ZNF713: variants seen among roughly 807,000 people sequenced by gnomAD.
ZNF713 encodes zinc finger protein 713.
In ZNF713, 21 loss-of-function variants were observed where a neutral mutation model predicts 28.7. That is an observed-to-expected ratio of 0.73 (90% CI 0.52 to 1.05). ZNF713 has a LOEUF of 1.05. Ranked by LOEUF, ZNF713 falls within the 50% of genes least tolerant of loss-of-function variation. ZNF713 has a pLI of 0.00. For missense variants in ZNF713, 458 were observed against 532.4 expected, an observed-to-expected ratio of 0.86 and a Z score of 1.37; for synonymous variants, 167 against 178.0, an observed-to-expected ratio of 0.94 and a Z score of 0.49.
intron 6 of ZNF713, among the ~76,000 whole-genome samples, chr7:55,932,283 C>T (rs1786225531): frequency 6.6e-6 from 1 of 151,170 alleles, no homozygotes; most frequent in African/African-American, 2.4e-5. Context: ...AATTCCAGCA[C>T]TTTGGGAAGC....
intron 4 of ZNF713, chr7:55,918,005 T>C (rs1370574771): frequency 2.9e-5 from 13 of 455,412 alleles, no homozygotes. Flanking sequence ...TCCCAAATGC[T>C]TTCTTGCAAG....
intron 4 of ZNF713, among the ~76,000 whole-genome samples, chr7:55,917,041 C>T (rs557552687): frequency 4.6e-4 from 70 of 151,964 alleles, no homozygotes; most frequent in African/African-American, 1.6e-3. Context: ...GGTGAAACCC[C>T]GTCTCTACTA....
intron 2 of ZNF713, among the ~76,000 whole-genome samples, chr7:55,910,021 A>G (rs536850486): frequency 9.6e-4 from 139 of 145,412 alleles, no homozygotes; most frequent in Admixed American, 2.1e-3. Context: ...GTGTGTGTGT[A>G]TATATATATA....
chr7:55,900,609 ACT>A (rs1372631617), intron 1 of ZNF713, among the ~76,000 whole-genome samples: 1 of 152,122 alleles, frequency 6.6e-6, no homozygotes, highest in East Asian at 1.9e-4. Flanking sequence ...AAAAACAGAA[ACT>A]CTATGATCTC....
intron 1 of ZNF713, among the ~76,000 whole-genome samples, 196 bp downstream of exon 1, chr7:55,887,876 GCGGCGGCGGC>G (rs1785302703): frequency 2.4e-5 from 1 of 41,692 alleles, no homozygotes; most frequent in Non-Finnish European, 4.3e-5. Flanking sequence ...GGCGGCGGCG[GCGGCGGCGGC>G]GGGCGGCGGC....
intron 1 of ZNF713, among the ~76,000 whole-genome samples, chr7:55,891,622 G>A (rs563113065): frequency 1.3e-5 from 2 of 152,236 alleles, no homozygotes; most frequent in South Asian, 2.1e-4. Flanking sequence ...GAGCCCAGGC[G>A]TTTGAGGCTG....
At position 55,887,475 on chromosome 7, in the gene ZNF713, G is replaced by T; in HGVS notation, c.-788G>T. On this transcript the variant is annotated 5_prime_UTR_variant, in exon 1 of 7. Transcript: ENST00000429591. ...GAGGCCAGCGTCTTGCGCCGCCATT[G>T]CGGGGAGGCTGTCCTCAGAGCAGGT... 1 of 155,464 alleles carries T rather than the reference G, an allele frequency of 6.4e-6. No homozygotes were observed. 9.6% of individuals were successfully genotyped at this position (155,464 alleles called of 1,614,324 possible). A position where few individuals can be genotyped will look rare whatever the true frequency, so the allele number is the denominator to read the frequency against.
intron 1 of ZNF713, among the ~76,000 whole-genome samples, chr7:55,900,285 T>C (rs941388753): frequency 1.3e-5 from 2 of 151,994 alleles, no homozygotes; most frequent in Non-Finnish European, 2.9e-5. Context: ...CTGACCAACA[T>C]GGTGAAACCC....
In ZNF713 at chr7:55,888,376, TTC is replaced by T. The variant is rs1334725968; in HGVS notation, c.-583+698_-583+699del. The stretch of plus-strand genomic sequence containing the variant: ...CAGGCGTGTGTATGCTCAGATGTGT[TTC>T]TGTTTATTTATGTTTTTGTTTTGAG... On this transcript the variant is annotated intron_variant, in intron 1 of 6. Coordinates refer to ENST00000429591, the MANE Select transcript of ZNF713 (RefSeq NM_182633.3). Among the ~76,000 whole-genome samples the T allele has an allele frequency of 3.3e-5, 5 of 152,146 alleles. No individual in the cohort carries two copies. In the South Asian group the frequency reaches 8.3e-4, roughly 25 times the overall value.
Position 55,942,170 on chromosome 7 carries a change from G to A in ZNF713, c.*2164G>A, listed in dbSNP as rs6593291. 1 of 151,948 alleles carries A rather than the reference G, an allele frequency of 6.6e-6. No homozygotes were observed. Among genetic ancestry groups the A allele is most frequent in the Admixed American group, 6.6e-5 (1 of 15,222 alleles). The allele number at this position is 151,948 out of a possible 1,614,324, so 9.4% of individuals were successfully genotyped here. A position where few individuals can be genotyped will look rare whatever the true frequency, so the allele number is the denominator to read the frequency against. ...GGGTGAGCCCTGGTGCCATGTTGAG[G>A]GTGGGAATCAGGAGAGCTGCAGTGG... On this transcript the variant is annotated 3_prime_UTR_variant, in exon 7 of 7. Transcript: ENST00000429591.
At chr7:55,904,716 T>A (rs948661106) in intron 1 of ZNF713, among the ~76,000 whole-genome samples, 30 of 152,002 alleles carry the variant, frequency 2.0e-4, no homozygotes, top group African/African-American at 7.0e-4. Flanking sequence ...GAGTTTTTAA[T>A]GTTGGAGAGA....
chr7:55,900,194 G>A (rs930970599), intron 1 of ZNF713, among the ~76,000 whole-genome samples: 41 of 152,260 alleles, frequency 2.7e-4, no homozygotes, highest in African/African-American at 7.2e-4. Context: ...GTGGCCGGGC[G>A]TGGTGGCTCA....
intron 6 of ZNF713, among the ~76,000 whole-genome samples, chr7:55,932,835 G>C (rs1370595275): frequency 7.7e-6 from 1 of 130,146 alleles, no homozygotes; most frequent in Non-Finnish European, 1.6e-5. Context: ...AGTGAGCCGA[G>C]ATTGCGCCAC....
In ZNF713 at chr7:55,941,011, A is replaced by T. The variant is rs1426814804; in HGVS notation, c.*1005A>T. 6.7e-6 allele frequency: 1 copy of T among 149,188 alleles called. No individual in the cohort carries two copies. Among genetic ancestry groups the T allele is most frequent in the South Asian group, 2.1e-4 (1 of 4,710 alleles). The allele number at this position is 149,188 out of a possible 1,614,324, so 9.2% of individuals were successfully genotyped here. A position where few individuals can be genotyped will look rare whatever the true frequency, so the allele number is the denominator to read the frequency against. On this transcript the variant is annotated 3_prime_UTR_variant, in exon 7 of 7. Transcript: ENST00000429591. Reference sequence around the variant, plus strand: ...TTTTTTTGTATTTTTTAGTAGAGACACGGTTTCACCATATTGACTAGGCTG... The same window carrying T: ...TTTTTTTGTATTTTTTAGTAGAGACTCGGTTTCACCATATTGACTAGGCTG...
chr7:55,907,957 T>C (rs1469386790), intron 2 of ZNF713, among the ~76,000 whole-genome samples: 1 of 152,036 alleles, frequency 6.6e-6, no homozygotes, highest in African/African-American at 2.4e-5. Context: ...AATAATTTAT[T>C]TATCTCTGGA....
At chr7:55,905,798 A>T (rs1785667208) in intron 1 of ZNF713, among the ~76,000 whole-genome samples, 1 of 151,826 alleles carries the variant, frequency 6.6e-6, no homozygotes, top group South Asian at 2.1e-4. Context: ...ACTGCTCCTT[A>T]TTTTCCTTTA....
At chr7:55,926,643 A>G (rs962151172) in intron 6 of ZNF713, among the ~76,000 whole-genome samples, 2 of 152,192 alleles carry the variant, frequency 1.3e-5, no homozygotes, top group Admixed American at 6.5e-5. Flanking sequence ...TTTATCTAAA[A>G]TCTTTCTTAA....
intron 1 of ZNF713, among the ~76,000 whole-genome samples, chr7:55,900,175 A>T (rs1212772204): frequency 6.6e-6 from 1 of 152,194 alleles, no homozygotes; most frequent in Non-Finnish European, 1.5e-5. Context: ...AATGGATTTT[A>T]AAAATGTGGT....
At chr7:55,912,227 C>T (rs1470822281) in intron 3 of ZNF713, among the ~76,000 whole-genome samples, 159 bp downstream of exon 3, 1 of 151,798 alleles carries the variant, frequency 6.6e-6, no homozygotes, top group Non-Finnish European at 1.5e-5. Flanking sequence ...CATGTGCTCT[C>T]CATCGCCTCA....
Sources: allele counts gnomAD v4.1 joint callset (sites outside exome capture counted in the v4.1 genomes callset), GRCh38; gene constraint gnomAD v4.1.1; transcripts MANE v1.5; gene names NCBI Gene and HGNC (gene_info 2026-07-23, HGNC 2026-07-21).